Variants in DNM3 observed in about 807,000 individuals in gnomAD.
DNM3 encodes the protein dynamin 3.
DNM3 carries 47 observed loss-of-function variants against 101.6 expected under a neutral mutation model. The observed-to-expected ratio is 0.46, with a 90% CI of 0.37 to 0.59. The LOEUF (loss-of-function observed/expected upper bound fraction) is 0.59. DNM3 is among the 20% of genes least tolerant of loss of function. The pLI, the probability that DNM3 is intolerant of heterozygous loss-of-function variation, is 0.00. For synonymous variants in DNM3, 385 were observed against 387.9 expected (o/e 0.99, Z 0.09); for missense variants, 849 against 1,085.7 (o/e 0.78, Z 3.06).
chr1:172,120,415 G>T (rs1480400183), intron 13 of DNM3, among the ~76,000 whole-genome samples: 4 of 152,140 alleles, frequency 2.6e-5, no homozygotes, highest in Non-Finnish European at 5.9e-5. Flanking sequence ...AATTCAAGAT[G>T]AAATTTGCAT....
chr1:172,026,502 C>T (rs559146256), intron 4 of DNM3, among the ~76,000 whole-genome samples: 17 of 152,166 alleles, frequency 1.1e-4, no homozygotes, highest in Middle Eastern at 3.4e-3. Context: ...AGACACATAA[C>T]CGTCAGACTC....
At chr1:172,364,487 G>A (rs1047404446) in intron 17 of DNM3, among the ~76,000 whole-genome samples, 10 of 151,852 alleles carry the variant, frequency 6.6e-5, no homozygotes, top group African/African-American at 2.4e-4. Context: ...GATGCAATCA[G>A]CCAAATCCAC....
At position 171,941,982 on chromosome 1, in the gene DNM3, A is replaced by G. The variant is rs1282979666; in HGVS notation, c.235+20161A>G. Among the ~76,000 whole-genome samples the G allele has an allele frequency of 3.3e-5, 5 of 152,178 alleles. No homozygotes were observed. In the South Asian group the frequency reaches 1.0e-3, roughly 32 times the overall value. On this transcript the variant is annotated intron_variant, in intron 2 of 20. Transcript: ENST00000627582. ...GACATACTAAGATTTATATTTTGCTATTTTTTATATTGGAGGGTGACTTCT... is the reference window on the plus strand; with the variant it reads ...GACATACTAAGATTTATATTTTGCTGTTTTTTATATTGGAGGGTGACTTCT...
chr1:172,093,712 C>G, intron 13 of DNM3: 1 of 1,606,730 alleles, frequency 6.2e-7, no homozygotes, highest in Non-Finnish European at 8.5e-7. Context: ...AATCTTCCGC[C>G]TTCAAGGCAA....
intron 17 of DNM3, chr1:172,378,230 A>G (rs2068713708): frequency 6.6e-6 from 1 of 152,076 alleles, no homozygotes; most frequent in South Asian, 2.1e-4. Flanking sequence ...TCAGCCCTTA[A>G]TGATGAAGAA....
chr1:171,902,399 T>G (rs1009731945), intron 1 of DNM3, among the ~76,000 whole-genome samples: 1 of 152,200 alleles, frequency 6.6e-6, no homozygotes, highest in Non-Finnish European at 1.5e-5. Flanking sequence ...CCTGTTGATA[T>G]TCAGGAAGGA....
rs61807805 is a variant in DNM3, at chr1:172,235,435, G to A, written c.1660-18138G>A. Among the ~76,000 whole-genome samples, 563 of 152,300 alleles carry A rather than the reference G, an allele frequency of 3.7e-3. 2 individuals carry two copies. Among genetic ancestry groups the A allele is most frequent in the Non-Finnish European group, 5.9e-3 (402 of 68,040 alleles). ...TAGTTCAACCATTGTGGAAGTCAGT[G>A]TGGCGATTCCTCAGGATCTAGAACT... On this transcript the variant is annotated intron_variant, in intron 14 of 20. Coordinates refer to ENST00000627582, the MANE Select transcript of DNM3 (RefSeq NM_015569.5).
At chr1:172,241,264 T>TGTGC (rs757221165) in intron 14 of DNM3, among the ~76,000 whole-genome samples, 1 of 151,540 alleles carries the variant, frequency 6.6e-6, no homozygotes, top group South Asian at 2.1e-4. Context: ...TGTGTGTGTG[T>TGTGC]GCACGTGTGT....
At chr1:172,100,502 G>T (rs965982264) in intron 13 of DNM3, among the ~76,000 whole-genome samples, 2 of 152,130 alleles carry the variant, frequency 1.3e-5, no homozygotes, top group African/African-American at 2.4e-5. Context: ...GGATAACAAA[G>T]ATTGCCAACA....
chr1:172,191,707 A>G (rs540086990), intron 14 of DNM3, among the ~76,000 whole-genome samples: 2 of 152,080 alleles, frequency 1.3e-5, no homozygotes, highest in Non-Finnish European at 2.9e-5. Context: ...AGTGGTTTGT[A>G]GTTCTCCTTG....
At chr1:171,963,678 CT>C (rs2043367323) in intron 2 of DNM3, among the ~76,000 whole-genome samples, 1 of 151,440 alleles carries the variant, frequency 6.6e-6, no homozygotes, top group Admixed American at 6.6e-5. Flanking sequence ...CCTAAAGCTG[CT>C]CTAAAAATGG....
intron 6 of DNM3, among the ~76,000 whole-genome samples, chr1:172,035,510 A>G (rs1335447940): frequency 6.6e-6 from 1 of 152,180 alleles, no homozygotes; most frequent in Admixed American, 6.6e-5. Flanking sequence ...GTCCAAGGAA[A>G]TAGAGAAGAT....
intron 1 of DNM3, among the ~76,000 whole-genome samples, chr1:171,915,568 T>A (rs2039646624): frequency 6.6e-6 from 1 of 152,202 alleles, no homozygotes; most frequent in Non-Finnish European, 1.5e-5. Context: ...TTATGGATGC[T>A]GATGATGTGG....
intron 14 of DNM3, among the ~76,000 whole-genome samples, chr1:172,243,222 A>G (rs978438626): frequency 2.6e-5 from 4 of 152,192 alleles, no homozygotes; most frequent in Non-Finnish European, 5.9e-5. Context: ...GAGATTAAAT[A>G]TAAATATATG....
intron 14 of DNM3, among the ~76,000 whole-genome samples, chr1:172,229,750 C>CCA (rs150784329): frequency 0.014 from 2,067 of 150,374 alleles, 40 homozygotes; most frequent in African/African-American, 0.044. Flanking sequence ...TACACGCACG[C>CCA]CACACACACA....
intron 18 of DNM3, among the ~76,000 whole-genome samples, chr1:172,383,103 G>A (rs906354683): frequency 1.3e-5 from 2 of 152,044 alleles, no homozygotes; most frequent in African/African-American, 2.4e-5. Flanking sequence ...CACCAGCCAG[G>A]AATTCAGCAC....
intron 15 of DNM3, among the ~76,000 whole-genome samples, chr1:172,298,114 T>G (rs2064253765): frequency 6.6e-6 from 1 of 152,200 alleles, no homozygotes; most frequent in African/African-American, 2.4e-5. Context: ...ATCTGACTTT[T>G]TAGTTCTAGG....
At chr1:172,277,116 C>T (rs1434585993) in intron 15 of DNM3, among the ~76,000 whole-genome samples, 2 of 151,938 alleles carry the variant, frequency 1.3e-5, no homozygotes, top group Non-Finnish European at 2.9e-5. Flanking sequence ...CAAAAATGGT[C>T]CTTGTCCTCT....
chr1:172,345,644 T>C lies in DNM3; in HGVS notation c.1893+22304T>C, dbSNP rs529901143. Among the ~76,000 whole-genome samples, 6 of 152,332 alleles carry C rather than the reference T, an allele frequency of 3.9e-5. No individual in the cohort carries two copies. The South Asian group carries it at 1.2e-3, about 32-fold the overall frequency. On this transcript the variant is annotated intron_variant, in intron 17 of 20. Coordinates refer to ENST00000627582, the MANE Select transcript of DNM3 (RefSeq NM_015569.5). ...CAAATACCTGACTTTTAAGTGTATT[T>C]GTGCCACTTGATTTACTTATTCATT... is the stretch of plus-strand genomic sequence containing the variant.
Sources: gnomAD v4.1 joint callset for allele counts (sites outside exome capture counted in the v4.1 genomes callset) on GRCh38, gnomAD v4.1.1 for gene constraint, MANE v1.5 for transcripts, NCBI Gene and HGNC (gene_info 2026-07-23, HGNC 2026-07-21) for gene names.